The following CARD19 variants were observed in gnomAD, a reference collection of about 807,000 sequenced individuals.
The protein encoded by CARD19 is caspase recruitment domain-containing protein 19.
Under a neutral mutation model 24.1 loss-of-function variants are expected in CARD19, and 25 were observed. That is an observed-to-expected ratio of 1.04 (90% CI 0.76 to 1.45). The LOEUF (loss-of-function observed/expected upper bound fraction) is 1.45. CARD19 is among the 40% of genes most tolerant of loss of function. CARD19 has a pLI of 0.00. For synonymous variants in CARD19, 103 were observed against 104.9 expected, an observed-to-expected ratio of 0.98 and a Z score of 0.11; for missense variants, 241 against 247.4, an observed-to-expected ratio of 0.97 and a Z score of 0.17.
chr9:93,104,836 C>T (rs1827197606), intron 1 of CARD19, among the ~76,000 whole-genome samples: 1 of 152,032 alleles, frequency 6.6e-6, no homozygotes, highest in African/African-American at 2.4e-5. Flanking sequence ...TTTGAGTCTT[C>T]TTTTTCTTTG....
At position 93,111,922 on chromosome 9, in the gene CARD19, C is replaced by T. The variant is rs147918535; in HGVS notation, c.348C>T (p.Gly116=). 162 of 1,611,404 alleles carry T rather than the reference C, an allele frequency of 1.0e-4. No individual in the cohort carries two copies. The highest frequency in any genetic ancestry group is 2.1e-4 in the Middle Eastern group (1 of 4,752). The part of the protein sequence containing the change: ...CTELDSGSQS[G]ELSNRGPMSF... ...AGCTAGACTCGGGCAGCCAGAGCGGCGAGCTGAGTAACAGGGGTAACACCT... is the reference window on the plus strand; with the variant it reads ...AGCTAGACTCGGGCAGCCAGAGCGGTGAGCTGAGTAACAGGGGTAACACCT... Residue 116 remains glycine (G), a synonymous_variant, in exon 4 of 6, where the codon GGC becomes GGT. Coordinates refer to ENST00000375464, the MANE Select transcript of CARD19 (RefSeq NM_032310.5).
rs939481628 is a variant in CARD19 at position 93,110,365 on chromosome 9, G to A, written c.151-203G>A. ...TCCCACCCCACAGGGAGTATGAGGA[G>A]TAGCAGTGATGCCTGTGACAGAGGC... On this transcript the variant is annotated intron_variant, in intron 2 of 5. Coordinates refer to ENST00000375464, the MANE Select transcript of CARD19 (RefSeq NM_032310.5). The A allele has an allele frequency of 6.5e-5, 50 of 774,022 alleles. 1 individual carries two copies. Among genetic ancestry groups the A allele is most frequent in the South Asian group, 6.1e-4 (32 of 52,560 alleles). 47.9% of individuals were successfully genotyped at this position (774,022 alleles called of 1,614,324 possible).
At chr9:93,109,421 A>C (rs541224311) in intron 2 of CARD19, among the ~76,000 whole-genome samples, 1 of 151,918 alleles carries the variant, frequency 6.6e-6, no homozygotes. Flanking sequence ...ACTGACCTTG[A>C]GAACCACACA....
In CARD19 at chr9:93,107,666, T is replaced by C; in HGVS notation, c.8-8T>C. On this transcript the variant is annotated splice_polypyrimidine_tract_variant and splice_region_variant and intron_variant, in intron 1 of 5. Transcript: ENST00000375464. Reference sequence around the variant, plus strand: ...TGCTGGCTCATGACCCTGTGCTATCTGTTTTAGATCAGACCTATTGTGACC... The same window carrying C: ...TGCTGGCTCATGACCCTGTGCTATCCGTTTTAGATCAGACCTATTGTGACC... 6.2e-7 allele frequency: 1 copy of C among 1,614,182 alleles called. No individual in the cohort carries two copies. Among genetic ancestry groups the C allele is most frequent in the Non-Finnish European group, 8.5e-7 (1 of 1,180,004 alleles).
At chr9:93,100,682 C>T (rs1827044983) in intron 1 of CARD19, among the ~76,000 whole-genome samples, 1 of 152,164 alleles carries the variant, frequency 6.6e-6, no homozygotes, top group Non-Finnish European at 1.5e-5. Flanking sequence ...TTTATCATCC[C>T]AAACAGAAAT....
rs760009681 is a variant in CARD19, at chr9:93,107,649, C to T, written c.8-25C>T. On this transcript the variant is annotated intron_variant, in intron 1 of 5. Transcript: ENST00000375464. ...CTGGTCCCCTTGGGCTGTGCTGGCTCATGACCCTGTGCTATCTGTTTTAGA... is the reference window on the plus strand; with the variant it reads ...CTGGTCCCCTTGGGCTGTGCTGGCTTATGACCCTGTGCTATCTGTTTTAGA... The T allele has an allele frequency of 4.3e-6, 7 of 1,613,850 alleles. No individual in the cohort carries two copies. In the South Asian group the frequency reaches 4.4e-5, roughly 10 times the overall value.
chr9:93,104,901 TTTTC>T lies in CARD19; in HGVS notation c.8-2770_8-2767del, dbSNP rs1827198788. ...GATGTTATCAAAGAATCAACTTTGG[TTTTC>T]TTGATTTTTCTCCACTGTTTTTCGA... On this transcript the variant is annotated intron_variant, in intron 1 of 5. Transcript: ENST00000375464. Among the ~76,000 whole-genome samples, 4 of 152,142 alleles carry T rather than the reference TTTTC, an allele frequency of 2.6e-5. No individual in the cohort carries two copies. The South Asian group carries it at 8.3e-4, about 32-fold the overall frequency.
intron 2 of CARD19, among the ~76,000 whole-genome samples, chr9:93,108,618 C>T (rs1827352025): frequency 6.6e-6 from 1 of 152,230 alleles, no homozygotes; most frequent in East Asian, 1.9e-4. Context: ...CCACGCTCAT[C>T]ACCCCATCTC....
In CARD19 at chr9:93,107,787, C is replaced by G. The variant is rs1489699546; in HGVS notation, c.121C>G (p.Gln41Glu). Residue 41 changes from glutamine (Q) to glutamate (E), a missense_variant, in exon 2 of 6, where the codon CAG (glutamine) becomes GAG (glutamate). By Grantham distance (29) the Gln-to-Glu change is conservative (BLOSUM62 2). Transcript: ENST00000375464. ...CCTCCAGCTGAACCGTTACTACCCACAGATCCTTACCAACAAGGAGGCGGA... is the reference window on the plus strand; with the variant it reads ...CCTCCAGCTGAACCGTTACTACCCAGAGATCCTTACCAACAAGGAGGCGGA... ...IILQLNRYYP[Q>E]ILTNKEAEKF... 1.9e-6 allele frequency: 3 copies of G among 1,614,244 alleles called. No homozygotes were observed. Among genetic ancestry groups the G allele is most frequent in the Non-Finnish European group, 2.5e-6 (3 of 1,180,040 alleles).
intron 3 of CARD19, chr9:93,111,600 A>G (rs1827488608): frequency 7.6e-7 from 1 of 1,310,946 alleles, no homozygotes; most frequent in South Asian, 2.0e-5. Flanking sequence ...AGTATGCCAC[A>G]GGGGGCTTTC....
At chr9:93,111,151 GC>G (rs1482321815) in intron 3 of CARD19, 3 of 1,215,830 alleles carry the variant, frequency 2.5e-6, no homozygotes, top group African/African-American at 3.1e-5. Flanking sequence ...CCCTTTCATT[GC>G]AGCGATCTGC....
intron 3 of CARD19, chr9:93,111,401 C>T: frequency 9.2e-7 from 1 of 1,090,976 alleles, no homozygotes; most frequent in Non-Finnish European, 1.1e-6. Flanking sequence ...GGCTACTGCC[C>T]CTTGGCCCTT....
chr9:93,100,807 G>A (rs1227702902), intron 1 of CARD19, among the ~76,000 whole-genome samples: 1 of 152,016 alleles, frequency 6.6e-6, no homozygotes, highest in Non-Finnish European at 1.5e-5. Context: ...CATATAATTG[G>A]AATCATATAA....
chr9:93,108,129 A>G (rs971626423), intron 2 of CARD19, among the ~76,000 whole-genome samples: 2 of 152,130 alleles, frequency 1.3e-5, no homozygotes, highest in African/African-American at 2.4e-5. Context: ...CAATACATGA[A>G]GCACACAACA....
intron 1 of CARD19, among the ~76,000 whole-genome samples, chr9:93,103,519 CA>C (rs1404261504): frequency 2.0e-5 from 3 of 152,062 alleles, no homozygotes; most frequent in African/African-American, 7.2e-5. Context: ...TGCTTTTCCC[CA>C]AATATTTTAT....
intron 3 of CARD19, 198 bp downstream of exon 3, chr9:93,110,919 C>T (rs1827455630): frequency 1.3e-6 from 2 of 1,532,546 alleles, no homozygotes; most frequent in Non-Finnish European, 1.7e-6. Context: ...ACAGGCAGTG[C>T]AGATGTTGGT....
intron 1 of CARD19, among the ~76,000 whole-genome samples, chr9:93,107,222 C>T (rs1398009176): frequency 6.6e-6 from 1 of 152,120 alleles, no homozygotes; most frequent in Non-Finnish European, 1.5e-5. Context: ...AGTGATCCAC[C>T]CACCTCAGCC....
In CARD19 at chr9:93,110,649, C is replaced by T; in HGVS notation, c.232C>T (p.Gln78Ter). The T allele has an allele frequency of 6.2e-7, 1 of 1,613,814 alleles. No homozygotes were observed. The highest frequency in any genetic ancestry group is 8.5e-7 in the Non-Finnish European group (1 of 1,180,028). Reference protein sequence around the residue: ...HLQRSGERDCQEFYRALYIHA... With the variant: ...HLQRSGERDC ...GCAGCGGAGCGGTGAGCGGGACTGC[C>T]AGGAGTTCTACCGAGCCCTGTATAT... Residue 78 changes from glutamine to a stop codon, truncating the protein, a stop_gained, in exon 3 of 6, where the codon CAG becomes TAG. Transcript: ENST00000375464. LOFTEE classifies it high-confidence loss of function.
At chr9:93,097,047 T>C (rs1295810713) in intron 1 of CARD19, among the ~76,000 whole-genome samples, 1 of 152,184 alleles carries the variant, frequency 6.6e-6, no homozygotes, top group African/African-American at 2.4e-5. Flanking sequence ...ACCATCCTCC[T>C]GATCCCAAAC....
Sources: gnomAD v4.1 joint callset for allele counts (sites outside exome capture counted in the v4.1 genomes callset) on GRCh38, gnomAD v4.1.1 for gene constraint, MANE v1.5 for transcripts, NCBI Gene and HGNC (gene_info 2026-07-23, HGNC 2026-07-21) for gene names.